The following ADGRL4 variants were observed in gnomAD, a reference collection of about 807,000 sequenced individuals.
ADGRL4 encodes the protein adhesion G protein-coupled receptor L4.
ADGRL4 carries 90 observed loss-of-function variants against 74.8 expected under a neutral mutation model. That is an observed-to-expected ratio of 1.20 (90% confidence interval 1.02 to 1.43). The LOEUF (loss-of-function observed/expected upper bound fraction) is 1.43, where lower values mean the gene tolerates loss of function less well. ADGRL4 is among the 40% of genes most tolerant of loss of function. ADGRL4 has a pLI of 0.00. For missense variants in ADGRL4, 881 were observed against 814.3 expected (o/e 1.08, Z -1.00); for synonymous variants, 311 against 279.2 (o/e 1.11, Z -1.14).
chr1:78,917,724 A>G (rs775031437), intron 11 of ADGRL4, 24 bp from the exon 12 acceptor site: 1 of 1,593,196 alleles, frequency 6.3e-7, no homozygotes, highest in East Asian at 2.2e-5. Context: ...AAAAGATAGA[A>G]TCTATAAATA....
At chr1:78,897,307 TAA>T (rs1648418683) in intron 12 of ADGRL4, among the ~76,000 whole-genome samples, 1 of 152,132 alleles carries the variant, frequency 6.6e-6, no homozygotes. Context: ...AAATTTCTGA[TAA>T]GTCAGTTTAG....
Position 78,917,876 on chromosome 1 carries a change from C to G in ADGRL4, c.1636G>C (p.Gly546Arg). 1 of 1,612,580 alleles carries G rather than the reference C, an allele frequency of 6.2e-7. No individual in the cohort carries two copies. Among genetic ancestry groups the G allele is most frequent in the Non-Finnish European group, 8.5e-7 (1 of 1,179,106 alleles). Residue 546 changes from glycine to arginine, a missense_variant, in exon 11 of 15, where the codon GGA becomes CGA. By Grantham distance (125) the Gly-to-Arg change is moderately radical. Coordinates refer to ENST00000370742, the MANE Select transcript of ADGRL4 (RefSeq NM_022159.4). ...CTGTATCCTAGTGCTGCCGAAAATC[C>G]AACTACCACGGCTGGGCTTAGATAG... ...FGYLSPAVVVGFSAALGYRYY... is the reference protein window; with the variant it reads ...FGYLSPAVVVRFSAALGYRYY...
chr1:78,891,263 A>G, intron 14 of ADGRL4, 47 bp from the exon 15 acceptor site: 1 of 1,533,366 alleles, frequency 6.5e-7, no homozygotes, highest in South Asian at 1.2e-5. Context: ...CATAACAATC[A>G]CATTTAATTT....
intron 1 of ADGRL4, among the ~76,000 whole-genome samples, chr1:79,005,817 G>GT (rs1462827187): frequency 2.6e-5 from 4 of 151,544 alleles, no homozygotes; most frequent in African/African-American, 4.9e-5. Flanking sequence ...TTATTTCACT[G>GT]TTTTTATTTT....
intron 2 of ADGRL4, among the ~76,000 whole-genome samples, chr1:78,965,671 T>C (rs751476522): frequency 1.3e-5 from 2 of 152,184 alleles, no homozygotes; most frequent in African/African-American, 2.4e-5. Flanking sequence ...AAGAATTCAA[T>C]TGCTAACATT....
intron 3 of ADGRL4, among the ~76,000 whole-genome samples, chr1:78,945,974 T>G (rs1649592396): frequency 6.6e-6 from 1 of 152,176 alleles, no homozygotes. Context: ...ACATTTATTC[T>G]GTTGTTTGCC....
chr1:78,958,394 T>C (rs1208527677), intron 2 of ADGRL4, among the ~76,000 whole-genome samples: 1 of 152,182 alleles, frequency 6.6e-6, no homozygotes, highest in Non-Finnish European at 1.5e-5. Flanking sequence ...CTAGATGTCA[T>C]TAAGAACATT....
intron 7 of ADGRL4, among the ~76,000 whole-genome samples, chr1:78,927,447 T>A (rs531596655): frequency 1.1e-4 from 17 of 152,270 alleles, no homozygotes; most frequent in Admixed American, 2.0e-4. Context: ...ATTATGTCCT[T>A]GTATAAATAT....
rs570448782 is a variant in ADGRL4 at position 79,005,223 on chromosome 1, A to C, written c.23-4T>G. The C allele has an allele frequency of 4.4e-6, 7 of 1,601,232 alleles. No homozygotes were observed. Among genetic ancestry groups the C allele is most frequent in the Non-Finnish European group, 4.3e-6 (5 of 1,174,434 alleles). On this transcript the variant is annotated splice_region_variant and splice_polypyrimidine_tract_variant and intron_variant, in intron 1 of 14. Coordinates refer to ENST00000370742, the MANE Select transcript of ADGRL4 (RefSeq NM_022159.4). Reference sequence around the variant, plus strand: ...TTCAACAAAGTGGAAAAAACCACTAAATAAAATAGAGAAATACACCTTTTC... The same window carrying C: ...TTCAACAAAGTGGAAAAAACCACTACATAAAATAGAGAAATACACCTTTTC...
chr1:78,994,140 T>A (rs531409578), intron 2 of ADGRL4, among the ~76,000 whole-genome samples: 1 of 152,256 alleles, frequency 6.6e-6, no homozygotes, highest in South Asian at 2.1e-4. Flanking sequence ...GCATAGTTCA[T>A]CCCTTAAAAT....
intron 2 of ADGRL4, among the ~76,000 whole-genome samples, chr1:78,965,399 T>G (rs1009899867): frequency 1.3e-5 from 2 of 152,180 alleles, no homozygotes; most frequent in African/African-American, 4.8e-5. Flanking sequence ...TAATAGAAGA[T>G]AAAGCACATA....
At chr1:78,998,812 A>G (rs377268575) in intron 2 of ADGRL4, among the ~76,000 whole-genome samples, 108 of 152,310 alleles carry the variant, frequency 7.1e-4, no homozygotes, top group African/African-American at 2.5e-3. Flanking sequence ...ACCACAGAGT[A>G]GTTTGAGGGT....
chr1:78,914,622 T>C (rs961017885), intron 12 of ADGRL4, among the ~76,000 whole-genome samples: 2 of 137,758 alleles, frequency 1.5e-5, no homozygotes, highest in African/African-American at 5.2e-5. Context: ...AGAGATTTTT[T>C]TTGGTGACAT....
intron 12 of ADGRL4, among the ~76,000 whole-genome samples, chr1:78,908,759 A>G (rs979483817): frequency 1.3e-5 from 2 of 151,970 alleles, no homozygotes; most frequent in Admixed American, 1.3e-4. Flanking sequence ...CATCTTAACC[A>G]GTTATTTCCA....
intron 12 of ADGRL4, among the ~76,000 whole-genome samples, chr1:78,894,717 T>C (rs556211671): frequency 6.6e-6 from 1 of 151,972 alleles, no homozygotes; most frequent in African/African-American, 2.4e-5. Flanking sequence ...AATATATGCC[T>C]ACCCATTATT....
At chr1:78,948,745 TTAAC>T (rs1557509024) in intron 2 of ADGRL4, among the ~76,000 whole-genome samples, 1 of 152,144 alleles carries the variant, frequency 6.6e-6, no homozygotes, top group Admixed American at 6.6e-5. Context: ...TTTCTTAAAA[TTAAC>T]TGAGAGTGGT....
chr1:79,006,534 T>C (rs188479653), intron 1 of ADGRL4, 99 bp downstream of exon 1: 11 of 1,392,254 alleles, frequency 7.9e-6, no homozygotes, highest in African/African-American at 6.0e-5. Context: ...TTTTGCCAAA[T>C]ACACTTGCCA....
intron 12 of ADGRL4, among the ~76,000 whole-genome samples, chr1:78,910,984 T>C (rs1648751199): frequency 6.6e-6 from 1 of 151,860 alleles, no homozygotes; most frequent in African/African-American, 2.4e-5. Context: ...TTAACACTTA[T>C]CTGAACGGAT....
chr1:79,000,414 C>T (rs910966673), intron 2 of ADGRL4, among the ~76,000 whole-genome samples: 4 of 152,112 alleles, frequency 2.6e-5, no homozygotes, highest in Non-Finnish European at 5.9e-5. Context: ...ACCAGGTCAG[C>T]GAAGTCTTTG....
Sources: allele counts gnomAD v4.1 joint callset (sites outside exome capture counted in the v4.1 genomes callset), GRCh38; gene constraint gnomAD v4.1.1; transcripts MANE v1.5; gene names NCBI Gene and HGNC (gene_info 2026-07-23, HGNC 2026-07-21).